Variants in COL5A1 observed in about 807,000 individuals in gnomAD.
COL5A1 encodes the protein collagen alpha-1(V) chain.
A neutral mutation model predicts 263.7 loss-of-function variants in COL5A1; 16 were observed. The ratio of observed to expected loss-of-function variants is 0.06; its 90% CI spans 0.04 to 0.09. The LOEUF (loss-of-function observed/expected upper bound fraction) is 0.09, where lower values mean the gene tolerates loss of function less well. COL5A1 is among the 10% of genes least tolerant of loss of function. The pLI is 1.00. For synonymous variants in COL5A1, 1,012 were observed against 1,004.5 expected (o/e 1.01, Z -0.14); for missense variants, 2,036 against 2,540.5 (o/e 0.80, Z 4.27).
chr9:134,777,268 C>T (rs1311547017), intron 27 of COL5A1, among the ~76,000 whole-genome samples: 5 of 152,250 alleles, frequency 3.3e-5, no homozygotes, highest in Admixed American at 6.5e-5. Context: ...AAGCCTGTCC[C>T]TCTCTGGGCT....
At chr9:134,753,764 C>T in intron 14 of COL5A1, 86 bp from the exon 15 acceptor site, 4 of 711,056 alleles carry the variant, frequency 5.6e-6, no homozygotes, top group South Asian at 4.2e-5. Flanking sequence ...TCCCCTCCCC[C>T]TGCCCCTCCC....
At chr9:134,828,725 T>TCACACACCACA (rs1839424400) in intron 63 of COL5A1, among the ~76,000 whole-genome samples, 1 of 4,662 alleles carries the variant, frequency 2.1e-4, no homozygotes, top group African/African-American at 8.5e-4. Context: ...GCACCACACA[T>TCACACACCACA]CAGACACACA....
chr9:134,758,818 G>A lies in COL5A1; in HGVS notation c.1935+522G>A, dbSNP rs2132700085. Among the ~76,000 whole-genome samples, 5 of 152,250 alleles carry A rather than the reference G, an allele frequency of 3.3e-5. No individual in the cohort carries two copies. In the South Asian group the frequency reaches 1.0e-3, roughly 32 times the overall value. ...TTTGAAAGTGTGTCCCGTGAGTCCCGAGCTAGTGCGGTGACCTGGGGGTCT... is the reference window on the plus strand; with the variant it reads ...TTTGAAAGTGTGTCCCGTGAGTCCCAAGCTAGTGCGGTGACCTGGGGGTCT... On this transcript the variant is annotated intron_variant, in intron 18 of 65. Coordinates refer to ENST00000371817, the MANE Select transcript of COL5A1 (RefSeq NM_000093.5). This position sits in a 1 kb window ranked among gnomAD's most constrained non-coding sequence, Gnocchi z 4.1.
intron 51 of COL5A1, 58 bp downstream of exon 51, chr9:134,815,687 C>T: frequency 6.4e-7 from 1 of 1,569,276 alleles, no homozygotes; most frequent in East Asian, 2.3e-5. Context: ...CTGCCTCTGC[C>T]AGCCCCATTT....
intron 4 of COL5A1, among the ~76,000 whole-genome samples, chr9:134,703,931 G>A (rs542122235): frequency 3.9e-5 from 6 of 152,106 alleles, no homozygotes; most frequent in Admixed American, 6.5e-5. Flanking sequence ...GAGCCACCGC[G>A]CCCGGCCTCA....
Position 134,812,616 on chromosome 9 carries a change from T to A in COL5A1, c.3756T>A (p.Gly1252=). ...CTCCCTTTTCCTAGGGCCCCCCGGG[T>A]CCCCCTGGCCCCCGAGGACCCTCCG... The part of the protein sequence containing the change: ...TGDVGQMGPP[G]PPGPRGPSGA... The change falls in exon 48 of 66, where the codon GGT becomes GGA. Residue 1252 remains glycine, a synonymous_variant. Transcript: ENST00000371817. 1 of 1,604,680 alleles carries A rather than the reference T, an allele frequency of 6.2e-7. No individual in the cohort carries two copies. Among genetic ancestry groups the A allele is most frequent in the Non-Finnish European group, 8.5e-7 (1 of 1,175,090 alleles).
At chr9:134,711,060 C>T (rs2132596616) in intron 4 of COL5A1, among the ~76,000 whole-genome samples, 1 of 152,104 alleles carries the variant, frequency 6.6e-6, no homozygotes, top group African/African-American at 2.4e-5. Context: ...CTTGGGGGGG[C>T]AGCCACATGG....
Position 134,699,849 on chromosome 9 carries a change from T to C in COL5A1, c.278-60T>C, listed in dbSNP as rs1428519584. On this transcript the variant is annotated intron_variant, in intron 2 of 65. Transcript: ENST00000371817. ...GGGCTGGCTTGTTTGCAGAGAGCCA[T>C]GGCTGGGTGTGGTTGCAGGGGCTCC... The C allele has an allele frequency of 5.8e-6, 9 of 1,539,516 alleles. No individual in the cohort carries two copies. In the African/African-American group the frequency reaches 8.2e-5, roughly 14 times the overall value.
intron 32 of COL5A1, 48 bp from the exon 33 acceptor site, chr9:134,795,033 AG>A (rs1837845593): frequency 6.3e-7 from 1 of 1,596,900 alleles, no homozygotes; most frequent in Admixed American, 1.7e-5. Context: ...CCACCTGAGC[AG>A]GGCCGGGCAT....
intron 30 of COL5A1, 134 bp downstream of exon 30, chr9:134,785,230 C>T: frequency 1.5e-6 from 1 of 663,028 alleles, no homozygotes. Context: ...CTCCTGTCTC[C>T]ACCCTGGGTT....
At chr9:134,707,185 G>A (rs1833865486) in intron 4 of COL5A1, among the ~76,000 whole-genome samples, 1 of 152,116 alleles carries the variant, frequency 6.6e-6, no homozygotes, top group South Asian at 2.1e-4. Flanking sequence ...CTGCCCCGGG[G>A]GACAGCCGGC....
intron 19 of COL5A1, 89 bp downstream of exon 19, chr9:134,762,067 G>T: frequency 1.4e-6 from 2 of 1,411,640 alleles, no homozygotes; most frequent in African/African-American, 1.4e-5. Flanking sequence ...AGGCCCAGGT[G>T]TGGGATTGGC....
chr9:134,651,879 C>T (rs560726087), intron 1 of COL5A1, among the ~76,000 whole-genome samples: 1 of 152,318 alleles, frequency 6.6e-6, no homozygotes, highest in East Asian at 1.9e-4. Flanking sequence ...TGTTTTCTTT[C>T]TTTGGGGATG....
rs568954509 is a variant in COL5A1, at chr9:134,652,350, T to C, written c.109+10054T>C. Among the ~76,000 whole-genome samples the C allele has an allele frequency of 3.6e-4, 31 of 87,030 alleles. No homozygotes were observed. The highest frequency in any genetic ancestry group is 1.4e-3 in the African/African-American group (31 of 22,198). The allele number at this position is 87,030 out of a possible 152,430, so 57.1% of individuals were successfully genotyped here. ...CAGACCCAGTGTAACACGGCTCTGC[T>C]GGGTGGGGCAAGGAGATGCCCCAGG... On this transcript the variant is annotated intron_variant, in intron 1 of 65. Coordinates refer to ENST00000371817, the MANE Select transcript of COL5A1 (RefSeq NM_000093.5). The surrounding 1 kb of genome is among the most constrained non-coding windows in gnomAD (Gnocchi z 4.4).
At position 134,678,432 on chromosome 9, in the gene COL5A1, CA is replaced by C. The variant is rs1032839866; in HGVS notation, c.110-12479del. On this transcript the variant is annotated intron_variant, in intron 1 of 65. Transcript: ENST00000371817. The surrounding 1 kb of genome is among the most constrained non-coding windows in gnomAD (Gnocchi z 5.5). ...GGGTCCAGTCCCCCAACAACAGGCT[CA>C]TTGCAGTGGCCTGCCGCCCCGGTGT... is the stretch of plus-strand genomic sequence containing the variant. Among the ~76,000 whole-genome samples, 32 of 152,354 alleles carry C rather than the reference CA, an allele frequency of 2.1e-4. No individual in the cohort carries two copies. Among genetic ancestry groups the C allele is most frequent in the African/African-American group, 7.0e-4 (29 of 41,588 alleles).
rs1837832942 is a variant in COL5A1 at position 134,794,733 on chromosome 9, AAG to A, written c.2701-343_2701-342del. 1.4e-5 allele frequency among the ~76,000 whole-genome samples: 2 copies of A among 144,930 alleles called. No individual in the cohort carries two copies. The highest frequency in any genetic ancestry group is 5.3e-4 in the South Asian group (2 of 3,752). On this transcript the variant is annotated intron_variant, in intron 32 of 65. Transcript: ENST00000371817. The surrounding 1 kb of genome is among the most constrained non-coding windows in gnomAD (Gnocchi z 4.3). ...CCTCCCTGCTGAGGACAGAGAGAGA[AAG>A]AGAGATGAGGAGGAGGGGAAGGAGG...
At position 134,821,274 on chromosome 9, in the gene COL5A1, A is replaced by G. The variant is rs1838989205; in HGVS notation, c.4555-823A>G. Among the ~76,000 whole-genome samples the G allele has an allele frequency of 6.6e-6, 1 of 151,920 alleles. No homozygotes were observed. Among genetic ancestry groups the G allele is most frequent in the Non-Finnish European group, 1.5e-5 (1 of 67,958 alleles). ...TGCTCACCTGCCCTCACCCCAAACC[A>G]TGGTCTTGGCGGCATTGCTGATGAA... On this transcript the variant is annotated intron_variant, in intron 58 of 65. Coordinates refer to ENST00000371817, the MANE Select transcript of COL5A1 (RefSeq NM_000093.5). This position sits in a 1 kb window ranked among gnomAD's most constrained non-coding sequence, Gnocchi z 4.2.
In COL5A1 at chr9:134,758,007, GGAT is replaced by G. The variant is rs1468490380; in HGVS notation, c.1882-233_1882-231del. On this transcript the variant is annotated intron_variant, in intron 17 of 65. Transcript: ENST00000371817. This position sits in a 1 kb window ranked among gnomAD's most constrained non-coding sequence, Gnocchi z 4.1. ...GGACCCGTCGGGGCCTGGGACTTGGGGATGAAAGTCATCTCCCCCTTTGCAGCC... is the reference window on the plus strand; with the variant it reads ...GGACCCGTCGGGGCCTGGGACTTGGGGAAAGTCATCTCCCCCTTTGCAGCC... Among the ~76,000 whole-genome samples, 4 of 152,210 alleles carry G rather than the reference GGAT, an allele frequency of 2.6e-5. No homozygotes were observed. Among genetic ancestry groups the G allele is most frequent in the Non-Finnish European group, 4.4e-5 (3 of 68,044 alleles).
rs1366204984 is a variant in COL5A1, at chr9:134,681,477, C to T, written c.110-9435C>T. ...AACACACATAGCAGGGATATGGTTC[C>T]AGTGATGGGGCCACGGGTGGGACCG... On this transcript the variant is annotated intron_variant, in intron 1 of 65. Coordinates refer to ENST00000371817, the MANE Select transcript of COL5A1 (RefSeq NM_000093.5). The surrounding 1 kb of genome is among the most constrained non-coding windows in gnomAD (Gnocchi z 4.3). Among the ~76,000 whole-genome samples the T allele has an allele frequency of 6.6e-6, 1 of 152,232 alleles. No individual in the cohort carries two copies. Among genetic ancestry groups the T allele is most frequent in the Non-Finnish European group, 1.5e-5 (1 of 68,050 alleles).
Sources: allele counts gnomAD v4.1 joint callset (sites outside exome capture counted in the v4.1 genomes callset), GRCh38; gene constraint gnomAD v4.1.1; non-coding constraint Gnocchi (gnomAD v3.1); transcripts MANE v1.5; gene names NCBI Gene and HGNC (gene_info 2026-07-23, HGNC 2026-07-21).